PPP2R2B: variants seen among roughly 807,000 people sequenced by gnomAD.
PPP2R2B encodes the protein protein phosphatase 2 regulatory subunit Bbeta, also known as serine/threonine-protein phosphatase 2A 55 kDa regulatory subunit B beta isoform.
PPP2R2B carries 5 observed loss-of-function variants against 46.0 expected under a neutral mutation model. The ratio of observed to expected loss-of-function variants is 0.11; its 90% confidence interval spans 0.06 to 0.23. The LOEUF (loss-of-function observed/expected upper bound fraction) is 0.23, where lower values mean the gene tolerates loss of function less well. Ranked by LOEUF, PPP2R2B falls within the 10% of genes least tolerant of loss-of-function variation. The pLI, the probability that PPP2R2B is intolerant of heterozygous loss-of-function variation, is 1.00. For synonymous variants in PPP2R2B, 215 were observed against 206.7 expected, an observed-to-expected ratio of 1.04 and a Z score of -0.34; for missense variants, 367 against 575.0, an observed-to-expected ratio of 0.64 and a Z score of 3.70.
intron 5 of PPP2R2B, among the ~76,000 whole-genome samples, chr5:146,676,097 C>T (rs1254083479): frequency 2.0e-5 from 3 of 152,042 alleles, no homozygotes; most frequent in Admixed American, 2.0e-4. Flanking sequence ...GAAACAATGG[C>T]AGCTGGGGGC....
chr5:146,994,055 G>A (rs1753819158), intron 1 of PPP2R2B, among the ~76,000 whole-genome samples: 1 of 152,172 alleles, frequency 6.6e-6, no homozygotes, highest in South Asian at 2.1e-4. Context: ...TTAAGGTCAA[G>A]GCAGACAGTC....
chr5:147,053,291 G>A (rs1161946758), intron 1 of PPP2R2B, among the ~76,000 whole-genome samples: 1 of 151,324 alleles, frequency 6.6e-6, no homozygotes, highest in African/African-American at 2.4e-5. Flanking sequence ...ACAAGGAGAA[G>A]TTGGGAAGAC....
intron 7 of PPP2R2B, among the ~76,000 whole-genome samples, chr5:146,626,811 G>A (rs919198372): frequency 1.3e-5 from 2 of 152,180 alleles, no homozygotes; most frequent in Non-Finnish European, 2.9e-5. Context: ...AAGTGAGGGA[G>A]AGGGCAAGAC....
chr5:146,793,555 A>G (rs1756344067), intron 2 of PPP2R2B, among the ~76,000 whole-genome samples: 1 of 152,140 alleles, frequency 6.6e-6, no homozygotes, highest in Admixed American at 6.5e-5. Flanking sequence ...AATTAAGGAA[A>G]TCGAGGCTCA....
chr5:146,943,305 G>C, intron 1 of PPP2R2B, among the ~76,000 whole-genome samples: 1 of 152,232 alleles, frequency 6.6e-6, no homozygotes, highest in Middle Eastern at 3.4e-3. Context: ...CTTTCCAAGA[G>C]ATCAGTTTCA....
intron 2 of PPP2R2B, among the ~76,000 whole-genome samples, chr5:147,063,484 G>A (rs1328535113): frequency 1.3e-5 from 2 of 152,054 alleles, no homozygotes; most frequent in Non-Finnish European, 2.9e-5. Context: ...AATATTTCTT[G>A]TCCAAGCTGG....
chr5:146,929,741 G>T (rs1401707169), intron 1 of PPP2R2B, among the ~76,000 whole-genome samples: 1 of 152,124 alleles, frequency 6.6e-6, no homozygotes, highest in African/African-American at 2.4e-5. Context: ...CAGCAGTTTT[G>T]CGTGTGGGCT....
intron 5 of PPP2R2B, among the ~76,000 whole-genome samples, chr5:146,674,626 T>C (rs964753935): frequency 6.6e-6 from 1 of 152,182 alleles, no homozygotes; most frequent in African/African-American, 2.4e-5. Flanking sequence ...TTTGAGAATA[T>C]GCTTCCCTTT....
intron 2 of PPP2R2B, among the ~76,000 whole-genome samples, chr5:146,866,670 A>G (rs968064754): frequency 3.3e-5 from 5 of 152,210 alleles, no homozygotes; most frequent in African/African-American, 4.8e-5. Context: ...AGAGGCATCT[A>G]TATCATATAT....
intron 1 of PPP2R2B, among the ~76,000 whole-genome samples, chr5:146,994,889 A>G (rs1458896184): frequency 1.3e-5 from 2 of 152,212 alleles, no homozygotes; most frequent in African/African-American, 4.8e-5. Flanking sequence ...GGGAAAGACC[A>G]AAAAGTATAT....
At chr5:146,637,545 C>T (rs1361397232) in intron 7 of PPP2R2B, among the ~76,000 whole-genome samples, 1 of 152,166 alleles carries the variant, frequency 6.6e-6, no homozygotes, top group African/African-American at 2.4e-5. Context: ...AACCTTTATC[C>T]TTCTGCCTTC....
At chr5:146,658,517 G>A (rs1162784505) in intron 5 of PPP2R2B, among the ~76,000 whole-genome samples, 1 of 152,178 alleles carries the variant, frequency 6.6e-6, no homozygotes, top group Non-Finnish European at 1.5e-5. Flanking sequence ...GTGGTACAGA[G>A]CAGCCGTCTT....
intron 2 of PPP2R2B, among the ~76,000 whole-genome samples, chr5:146,726,475 C>G (rs137991723): frequency 8.8e-4 from 134 of 152,242 alleles, no homozygotes; most frequent in African/African-American, 3.1e-3. Flanking sequence ...CAATAGTGAC[C>G]ATATTTATTG....
At chr5:146,815,636 G>C (rs1757885367) in intron 2 of PPP2R2B, among the ~76,000 whole-genome samples, 1 of 152,234 alleles carries the variant, frequency 6.6e-6, no homozygotes, top group Admixed American at 6.5e-5. Flanking sequence ...GTTTAGAAGG[G>C]TTGATTAGCT....
intron 6 of PPP2R2B, among the ~76,000 whole-genome samples, chr5:146,647,315 G>T (rs1347473115): frequency 1.1e-5 from 1 of 87,744 alleles, no homozygotes; most frequent in East Asian, 3.6e-4. Flanking sequence ...TGTTTCTTCT[G>T]TCTCCTTTGT....
intron 2 of PPP2R2B, among the ~76,000 whole-genome samples, chr5:146,848,139 GT>G (rs137984593): frequency 2.6e-5 from 3 of 116,888 alleles, no homozygotes; most frequent in Admixed American, 9.6e-5. Context: ...TTATTCTTTA[GT>G]TTTTTTTATC....
intron 1 of PPP2R2B, among the ~76,000 whole-genome samples, chr5:146,958,004 C>T (rs1034284114): frequency 8.6e-5 from 13 of 151,844 alleles, no homozygotes; most frequent in South Asian, 6.2e-4. Context: ...AGAAAAGGGT[C>T]GAATAATGAG....
chr5:146,627,212 T>A (rs547918036), intron 7 of PPP2R2B, among the ~76,000 whole-genome samples: 13 of 152,222 alleles, frequency 8.5e-5, no homozygotes, highest in Non-Finnish European at 1.9e-4. Flanking sequence ...TAAAGGACCT[T>A]GTCTTTTTAA....
chr5:146,732,810 C>T (rs1752310644), intron 2 of PPP2R2B, among the ~76,000 whole-genome samples: 1 of 152,104 alleles, frequency 6.6e-6, no homozygotes, highest in South Asian at 2.1e-4. Flanking sequence ...CCTCAAATAG[C>T]ACTATGAGAT....
Sources: allele counts gnomAD v4.1 joint callset (sites outside exome capture counted in the v4.1 genomes callset), GRCh38; gene constraint gnomAD v4.1.1; transcripts MANE v1.5; gene names NCBI Gene and HGNC (gene_info 2026-07-23, HGNC 2026-07-21).